SORCS3: variants seen among roughly 807,000 people sequenced by gnomAD.
The protein encoded by SORCS3 is VPS10 domain-containing receptor SorCS3.
Under a neutral mutation model 146.3 loss-of-function variants are expected in SORCS3, and 57 were observed. The observed-to-expected ratio is 0.39, with a 90% confidence interval of 0.31 to 0.49. The LOEUF is 0.49. SORCS3 is among the 20% of genes least tolerant of loss of function. SORCS3 has a pLI of 0.92. For missense variants in SORCS3, 1,341 were observed against 1,575.5 expected, an observed-to-expected ratio of 0.85 and a Z score of 2.52; for synonymous variants, 653 against 618.5, an observed-to-expected ratio of 1.06 and a Z score of -0.83.
chr10:104,853,294 G>A (rs927778966), intron 2 of SORCS3, among the ~76,000 whole-genome samples: 14 of 152,310 alleles, frequency 9.2e-5, no homozygotes, highest in South Asian at 4.1e-4. Context: ...ATGAGACTGC[G>A]TCTCAAAAAG....
At chr10:104,760,372 C>T (rs1025093367) in intron 1 of SORCS3, among the ~76,000 whole-genome samples, 1 of 152,094 alleles carries the variant, frequency 6.6e-6, no homozygotes, top group Non-Finnish European at 1.5e-5. Flanking sequence ...TAAACAATAC[C>T]TCATTTATCT....
chr10:104,889,382 A>C (rs2018725416), intron 2 of SORCS3, among the ~76,000 whole-genome samples: 1 of 148,376 alleles, frequency 6.7e-6, no homozygotes, highest in African/African-American at 2.5e-5. Context: ...TTAGGTTTAA[A>C]TCTGTTGCCT....
At chr10:105,098,689 A>G (rs1484861603) in intron 6 of SORCS3, among the ~76,000 whole-genome samples, 1 of 152,220 alleles carries the variant, frequency 6.6e-6, no homozygotes, top group Non-Finnish European at 1.5e-5. Flanking sequence ...CAAGAATGAA[A>G]TTAGTTAATG....
intron 15 of SORCS3, 46 bp downstream of exon 15, chr10:105,200,162 C>T: frequency 6.8e-7 from 1 of 1,461,582 alleles, no homozygotes; most frequent in Non-Finnish European, 9.6e-7. Flanking sequence ...GGAGGAGGAG[C>T]TAGTGCAAGT....
chr10:104,647,547 C>T (rs921313226), intron 1 of SORCS3, among the ~76,000 whole-genome samples: 2 of 152,158 alleles, frequency 1.3e-5, no homozygotes, highest in African/African-American at 4.8e-5. Context: ...TAAAACAGCA[C>T]CCCTTCCCTC....
chr10:105,017,359 C>T (rs2055174574), intron 4 of SORCS3, among the ~76,000 whole-genome samples: 1 of 152,110 alleles, frequency 6.6e-6, no homozygotes, highest in South Asian at 2.1e-4. Flanking sequence ...TTTCCCACTT[C>T]CAACTGGTGC....
chr10:104,968,513 C>T (rs2054840343), intron 3 of SORCS3, among the ~76,000 whole-genome samples: 2 of 152,178 alleles, frequency 1.3e-5, no homozygotes, highest in South Asian at 4.1e-4. Flanking sequence ...TCTGCGAAAC[C>T]ATATTTGAAA....
intron 2 of SORCS3, among the ~76,000 whole-genome samples, chr10:104,906,685 T>C (rs2018908191): frequency 6.6e-6 from 1 of 152,190 alleles, no homozygotes; most frequent in Non-Finnish European, 1.5e-5. Flanking sequence ...AATCCTCTTG[T>C]GATTCTTTTG....
chr10:104,974,527 T>C (rs2054882338), intron 3 of SORCS3, among the ~76,000 whole-genome samples: 1 of 152,190 alleles, frequency 6.6e-6, no homozygotes, highest in Non-Finnish European at 1.5e-5. Context: ...CCCCTGCCTT[T>C]TTTTGTTTTC....
At chr10:104,827,853 T>A (rs971207295) in intron 1 of SORCS3, among the ~76,000 whole-genome samples, 2 of 152,248 alleles carry the variant, frequency 1.3e-5, no homozygotes, top group African/African-American at 4.8e-5. Context: ...CAGAACTTGC[T>A]GCTTCACTTT....
intron 5 of SORCS3, among the ~76,000 whole-genome samples, chr10:105,068,686 G>C (rs928742384): frequency 2.6e-5 from 4 of 152,126 alleles, no homozygotes; most frequent in Non-Finnish European, 5.9e-5. Context: ...CAAAAATTTT[G>C]TGGCCAGTAA....
chr10:104,823,352 T>G (rs375551100), intron 1 of SORCS3, among the ~76,000 whole-genome samples: 8 of 152,200 alleles, frequency 5.3e-5, no homozygotes, highest in African/African-American at 1.9e-4. Context: ...CCTAGACTTG[T>G]GATTAAAATG....
intron 9 of SORCS3, among the ~76,000 whole-genome samples, chr10:105,154,612 A>G (rs537169277): frequency 2.8e-4 from 42 of 152,342 alleles, no homozygotes; most frequent in Admixed American, 9.1e-4. Flanking sequence ...GGGTGGAAGT[A>G]TGTTTAAAGT....
At chr10:104,709,232 G>C (rs557725386) in intron 1 of SORCS3, among the ~76,000 whole-genome samples, 167 of 152,172 alleles carry the variant, frequency 1.1e-3, no homozygotes, top group Non-Finnish European at 1.9e-3. Context: ...TGGGTTGGGT[G>C]TTTGGATCTG....
intron 3 of SORCS3, among the ~76,000 whole-genome samples, chr10:104,920,942 A>T (rs1204017962): frequency 6.6e-6 from 1 of 152,176 alleles, no homozygotes; most frequent in Non-Finnish European, 1.5e-5. Context: ...CCATTGGCCA[A>T]TTAACTCATT....
chr10:104,857,112 T>G (rs1208289423), intron 2 of SORCS3, among the ~76,000 whole-genome samples: 2 of 148,090 alleles, frequency 1.4e-5, no homozygotes, highest in African/African-American at 5.0e-5. Flanking sequence ...GCATGCTAGA[T>G]AAGGAGTATA....
chr10:104,907,126 A>ACT (rs2018914157), intron 2 of SORCS3, among the ~76,000 whole-genome samples: 1 of 112,710 alleles, frequency 8.9e-6, no homozygotes, highest in African/African-American at 4.7e-5. Context: ...GCTGTATAGT[A>ACT]CTGTGTGTGT....
At chr10:105,102,914 C>T (rs919752704) in intron 6 of SORCS3, among the ~76,000 whole-genome samples, 1 of 151,124 alleles carries the variant, frequency 6.6e-6, no homozygotes, top group South Asian at 2.1e-4. Context: ...CTCAGCCTCC[C>T]GAGTAGCTGG....
chr10:104,824,324 A>G (rs562507023), intron 1 of SORCS3, among the ~76,000 whole-genome samples: 4 of 152,328 alleles, frequency 2.6e-5, no homozygotes, highest in African/African-American at 9.6e-5. Context: ...AGTGTCTCCA[A>G]CCTAGTGTAA....
Sources: allele counts gnomAD v4.1 joint callset (sites outside exome capture counted in the v4.1 genomes callset), GRCh38; gene constraint gnomAD v4.1.1; transcripts MANE v1.5; gene names NCBI Gene and HGNC (gene_info 2026-07-23, HGNC 2026-07-21).